Variants in ARHGAP42 observed in about 807,000 individuals in gnomAD.
ARHGAP42 encodes Rho GTPase activating protein 42, also known as rho GTPase-activating protein 42.
A neutral mutation model predicts 125.0 loss-of-function variants in ARHGAP42; 63 were observed. The ratio of observed to expected loss-of-function variants is 0.50; its 90% CI spans 0.41 to 0.62. The LOEUF (loss-of-function observed/expected upper bound fraction) is 0.62. Among genes scored for constraint, ARHGAP42 ranks in the 20% least tolerant of loss-of-function variants. The pLI, the probability that ARHGAP42 is intolerant of heterozygous loss-of-function variation, is 0.00. For missense variants in ARHGAP42, 766 were observed against 1,024.2 expected, an observed-to-expected ratio of 0.75 and a Z score of 3.44; for synonymous variants, 339 against 351.0, an observed-to-expected ratio of 0.97 and a Z score of 0.38.
intron 1 of ARHGAP42, among the ~76,000 whole-genome samples, chr11:100,727,727 T>G (rs1448688846): frequency 6.6e-6 from 1 of 152,218 alleles, no homozygotes; most frequent in African/African-American, 2.4e-5. Context: ...GCTCACCCTA[T>G]GTACCTCTCC....
chr11:100,972,932 A>G (rs1014266131), intron 17 of ARHGAP42, among the ~76,000 whole-genome samples: 2 of 152,152 alleles, frequency 1.3e-5, no homozygotes, highest in African/African-American at 4.8e-5. Context: ...GATTTAGGAA[A>G]TTAGGGGTTT....
intron 1 of ARHGAP42, among the ~76,000 whole-genome samples, chr11:100,759,642 A>G (rs983590208): frequency 3.3e-5 from 5 of 152,116 alleles, no homozygotes; most frequent in Non-Finnish European, 5.9e-5. Flanking sequence ...CAATAATGCA[A>G]TATTTCTCAA....
At chr11:100,831,721 C>T (rs1396995216) in intron 3 of ARHGAP42, among the ~76,000 whole-genome samples, 1 of 152,190 alleles carries the variant, frequency 6.6e-6, no homozygotes. Context: ...TTCTGGTTTA[C>T]TGGGAAAGGA....
intron 3 of ARHGAP42, among the ~76,000 whole-genome samples, chr11:100,843,168 A>T (rs1021152005): frequency 6.6e-6 from 1 of 152,096 alleles, no homozygotes; most frequent in Admixed American, 6.6e-5. Flanking sequence ...CAAAAAGATC[A>T]TCCAGGGCTA....
chr11:100,823,664 A>G (rs1864450863), intron 3 of ARHGAP42, among the ~76,000 whole-genome samples: 1 of 152,222 alleles, frequency 6.6e-6, no homozygotes, highest in Non-Finnish European at 1.5e-5. Context: ...CCCTTGAACT[A>G]AGCAACAACC....
intron 4 of ARHGAP42, among the ~76,000 whole-genome samples, chr11:100,887,730 C>T (rs555594173): frequency 0.011 from 1,675 of 152,344 alleles, 15 homozygotes; most frequent in Non-Finnish European, 0.017. Context: ...GCTGTCAGCT[C>T]CTCCTGGGCT....
chr11:100,823,051 C>T (rs183089378), intron 3 of ARHGAP42, among the ~76,000 whole-genome samples: 49 of 152,216 alleles, frequency 3.2e-4, no homozygotes, highest in African/African-American at 1.1e-3. Flanking sequence ...CTAGAATCTC[C>T]AATTTTCCCA....
chr11:100,926,813 T>A (rs1867439136), intron 6 of ARHGAP42, among the ~76,000 whole-genome samples: 1 of 152,188 alleles, frequency 6.6e-6, no homozygotes, highest in African/African-American at 2.4e-5. Context: ...AAAACAACAT[T>A]TATGAATCCC....
At chr11:100,700,636 A>G (rs973208360) in intron 1 of ARHGAP42, among the ~76,000 whole-genome samples, 1 of 152,214 alleles carries the variant, frequency 6.6e-6, no homozygotes, top group Non-Finnish European at 1.5e-5. Flanking sequence ...GCTCATCTGT[A>G]AGAAGCAACT....
intron 2 of ARHGAP42, among the ~76,000 whole-genome samples, chr11:100,774,995 G>A (rs1213737420): frequency 1.3e-5 from 2 of 152,144 alleles, no homozygotes; most frequent in African/African-American, 4.8e-5. Flanking sequence ...CAGGACTGAA[G>A]TTCCAAGCAG....
intron 4 of ARHGAP42, among the ~76,000 whole-genome samples, chr11:100,889,055 C>T (rs751826697): frequency 6.6e-6 from 1 of 152,208 alleles, no homozygotes; most frequent in South Asian, 2.1e-4. Flanking sequence ...TCTACTTAAA[C>T]TTAACATCCT....
intron 10 of ARHGAP42, among the ~76,000 whole-genome samples, chr11:100,946,156 A>C (rs1272574082): frequency 6.6e-6 from 1 of 152,082 alleles, no homozygotes; most frequent in African/African-American, 2.4e-5. Flanking sequence ...TGCTAGGTTC[A>C]TACTTTTTTT....
intron 4 of ARHGAP42, among the ~76,000 whole-genome samples, chr11:100,900,659 G>C (rs1419508465): frequency 6.6e-6 from 1 of 151,590 alleles, no homozygotes; most frequent in Non-Finnish European, 1.5e-5. Context: ...TCATTAATTT[G>C]ATCTTCAGTT....
intron 3 of ARHGAP42, among the ~76,000 whole-genome samples, chr11:100,811,680 A>C (rs1864146833): frequency 6.6e-6 from 1 of 151,822 alleles, no homozygotes; most frequent in Non-Finnish European, 1.5e-5. Context: ...CCATATTTTT[A>C]ATAGAGATGG....
At chr11:100,864,297 G>A (rs1475763584) in intron 4 of ARHGAP42, among the ~76,000 whole-genome samples, 1 of 151,422 alleles carries the variant, frequency 6.6e-6, no homozygotes, top group Non-Finnish European at 1.5e-5. Context: ...TGATTCTCCT[G>A]CTTCAGCCTC....
intron 1 of ARHGAP42, among the ~76,000 whole-genome samples, chr11:100,740,475 G>A (rs1228512392): frequency 6.6e-6 from 1 of 152,212 alleles, no homozygotes; most frequent in African/African-American, 2.4e-5. Flanking sequence ...AGTCAGTCAT[G>A]GAACTAAGAT....
chr11:100,852,750 G>A (rs539846480), intron 3 of ARHGAP42, among the ~76,000 whole-genome samples: 105 of 152,282 alleles, frequency 6.9e-4, no homozygotes, highest in African/African-American at 2.3e-3. Flanking sequence ...TGGGGCAACT[G>A]TGTTACAGGA....
At chr11:100,894,438 T>C (rs4754710) in intron 4 of ARHGAP42, among the ~76,000 whole-genome samples, 50,024 of 152,014 alleles carry the variant, frequency 0.33, 10,483 homozygotes, top group East Asian at 0.99. Flanking sequence ...GATAACAAAA[T>C]GTCAGCATTC....
At chr11:100,954,053 A>G (rs1355592473) in intron 12 of ARHGAP42, among the ~76,000 whole-genome samples, 1 of 152,138 alleles carries the variant, frequency 6.6e-6, no homozygotes, top group African/African-American at 2.4e-5. Context: ...CAAGACCTCC[A>G]TCTTGGAACA....
Sources: gnomAD v4.1 joint callset for allele counts (sites outside exome capture counted in the v4.1 genomes callset) on GRCh38, gnomAD v4.1.1 for gene constraint, MANE v1.5 for transcripts, NCBI Gene and HGNC (gene_info 2026-07-23, HGNC 2026-07-21) for gene names.